GNA13: variants seen among roughly 807,000 people sequenced by gnomAD.
The protein encoded by GNA13 is G protein subunit alpha 13, also known as guanine nucleotide-binding protein subunit alpha-13.
A neutral mutation model predicts 33.5 loss-of-function variants in GNA13; 4 were observed. The ratio of observed to expected loss-of-function variants is 0.12; its 90% CI spans 0.06 to 0.27. The LOEUF (loss-of-function observed/expected upper bound fraction) is 0.27, where lower values mean the gene tolerates loss of function less well. Among genes scored for constraint, GNA13 ranks in the 10% least tolerant of loss-of-function variants. The pLI is 1.00. For missense variants in GNA13, 319 were observed against 487.2 expected, an observed-to-expected ratio of 0.65 and a Z score of 3.25; for synonymous variants, 176 against 183.8, an observed-to-expected ratio of 0.96 and a Z score of 0.34.
intron 3 of GNA13, among the ~76,000 whole-genome samples, chr17:65,015,428 C>T (rs1020392440): frequency 1.3e-5 from 2 of 151,778 alleles, no homozygotes; most frequent in African/African-American, 2.4e-5. Context: ...TTTGGGAGGC[C>T]GAGACGGGCA....
chr17:65,028,212 C>A (rs958498445), intron 2 of GNA13, among the ~76,000 whole-genome samples: 2 of 151,848 alleles, frequency 1.3e-5, no homozygotes. Context: ...GGTGACAGAG[C>A]GAGACTCCGT....
chr17:65,020,966 T>G (rs1051333019), intron 2 of GNA13, among the ~76,000 whole-genome samples: 2 of 152,164 alleles, frequency 1.3e-5, no homozygotes, highest in African/African-American at 4.8e-5. Flanking sequence ...ATTTTAAAAA[T>G]AAAATTTCAA....
intron 2 of GNA13, 193 bp downstream of exon 2, chr17:65,053,309 T>C (rs530828175): frequency 6.6e-5 from 38 of 577,078 alleles, no homozygotes; most frequent in Non-Finnish European, 1.0e-4. Flanking sequence ...GGTAATTTTA[T>C]ACACTATTTT....
intron 2 of GNA13, among the ~76,000 whole-genome samples, chr17:65,051,072 A>C (rs1907842395): frequency 6.6e-6 from 1 of 152,238 alleles, no homozygotes; most frequent in East Asian, 1.9e-4. Flanking sequence ...TTCCAAATTA[A>C]AAAACTGTCC....
chr17:65,016,266 C>T (rs1170775140), intron 3 of GNA13, among the ~76,000 whole-genome samples: 1 of 152,186 alleles, frequency 6.6e-6, no homozygotes, highest in Non-Finnish European at 1.5e-5. Flanking sequence ...CACAATGCTG[C>T]ACTTTATGCC....
At position 65,011,616 on chromosome 17, in the gene GNA13, T is replaced by A. The variant is rs544713957; in HGVS notation, c.*2641A>T. On this transcript the variant is annotated 3_prime_UTR_variant, in exon 4 of 4. Coordinates refer to ENST00000439174, the MANE Select transcript of GNA13 (RefSeq NM_006572.6). ...TCTTCAAGGTCAATGAAGACACTTGTGTGATATTTCCTCAGAATTAAATGA... is the reference window on the plus strand; with the variant it reads ...TCTTCAAGGTCAATGAAGACACTTGAGTGATATTTCCTCAGAATTAAATGA... 9.5e-5 allele frequency: 21 copies of A among 220,096 alleles called. No individual in the cohort carries two copies. The South Asian group carries it at 2.4e-3, about 25-fold the overall frequency. The allele number at this position is 220,096 out of a possible 1,614,324, so 13.6% of individuals were successfully genotyped here.
intron 2 of GNA13, among the ~76,000 whole-genome samples, chr17:65,039,560 A>G (rs1420992730): frequency 1.3e-5 from 2 of 151,950 alleles, no homozygotes; most frequent in Non-Finnish European, 1.5e-5. Context: ...TTTTTTTCCA[A>G]CTTTGCACAT....
intron 2 of GNA13, among the ~76,000 whole-genome samples, chr17:65,032,196 A>G (rs965979297): frequency 6.6e-6 from 1 of 152,194 alleles, no homozygotes; most frequent in African/African-American, 2.4e-5. Context: ...TCTGGGGTTA[A>G]GGCTGGTTAA....
intron 2 of GNA13, among the ~76,000 whole-genome samples, chr17:65,042,567 T>G (rs1301780697): frequency 2.0e-5 from 3 of 151,640 alleles, no homozygotes; most frequent in Non-Finnish European, 2.9e-5. Context: ...TGAAACCCCA[T>G]CTCTACCAAA....
chr17:65,017,591 C>A (rs533995997), intron 3 of GNA13, among the ~76,000 whole-genome samples: 6 of 152,284 alleles, frequency 3.9e-5, no homozygotes, highest in African/African-American at 1.4e-4. Context: ...CAGTGGGCCC[C>A]GCTGGCCACA....
intron 1 of GNA13, chr17:65,055,710 C>A: frequency 3.0e-6 from 3 of 985,368 alleles, no homozygotes; most frequent in Non-Finnish European, 3.6e-6. Flanking sequence ...TTCATATTCT[C>A]GCCCAAAAGG....
intron 2 of GNA13, among the ~76,000 whole-genome samples, chr17:65,026,654 T>C (rs1029107731): frequency 3.3e-5 from 5 of 152,198 alleles, no homozygotes; most frequent in African/African-American, 4.8e-5. Flanking sequence ...AGATCTAATA[T>C]AGTATGAACC....
Position 65,014,672 on chromosome 17 carries a change from A to C in GNA13, c.719T>G (p.Val240Gly). The C allele has an allele frequency of 6.2e-7, 1 of 1,614,178 alleles. No individual in the cohort carries two copies. Among genetic ancestry groups the C allele is most frequent in the Non-Finnish European group, 8.5e-7 (1 of 1,180,016 alleles). ...RKRWFECFDS[V>G]TSILFLVSSS... ...GGAAACAAGGAAAAGTATTGATGTC[A>C]CACTGTCGAAACATTCAAACCAACG... The change falls in exon 4 of 4, where the codon GTG becomes GGG. Residue 240 changes from valine (V) to glycine (G), a missense_variant. Coordinates refer to ENST00000439174, the MANE Select transcript of GNA13 (RefSeq NM_006572.6). The surrounding 1 kb of genome is among the most constrained non-coding windows in gnomAD (Gnocchi z 5.3).
chr17:65,041,657 G>C (rs568957830), intron 2 of GNA13, among the ~76,000 whole-genome samples: 11 of 152,126 alleles, frequency 7.2e-5, no homozygotes, highest in Non-Finnish European at 1.3e-4. Context: ...GTGTGTGCAC[G>C]TGGAAGGGGT....
At chr17:65,056,257 C>CCCCCCCCCCCCCCCCCCCCCCCAAA in intron 1 of GNA13, 54 bp downstream of exon 1, 1 of 1,157,916 alleles carries the variant, frequency 8.6e-7, no homozygotes, top group Non-Finnish European at 1.2e-6. Context: ...CCGCACCCGC[C>CCCCCCCCCCCCCCCCCCCCCCCAAA]GCCGCCCCAG....
chr17:65,055,552 A>C (rs966638243), intron 1 of GNA13: 6 of 948,138 alleles, frequency 6.3e-6, no homozygotes, highest in Non-Finnish European at 7.5e-6. Context: ...CGAAAAGGAG[A>C]GTGGAACGTG....
At chr17:65,034,038 A>AAAAG (rs71158359) in intron 2 of GNA13, among the ~76,000 whole-genome samples, 1 of 147,220 alleles carries the variant, frequency 6.8e-6, no homozygotes, top group Non-Finnish European at 1.5e-5. Flanking sequence ...AAAAAAAAAA[A>AAAAG]TCCAAAAGAA....
chr17:65,049,609 G>A (rs1001703216), intron 2 of GNA13, among the ~76,000 whole-genome samples: 8 of 152,148 alleles, frequency 5.3e-5, no homozygotes, highest in African/African-American at 1.9e-4. Flanking sequence ...GCTAGGGAAA[G>A]CAAAGGACAC....
chr17:65,023,908 T>G (rs1906679807), intron 2 of GNA13, among the ~76,000 whole-genome samples: 1 of 152,232 alleles, frequency 6.6e-6, no homozygotes, highest in Non-Finnish European at 1.5e-5. Flanking sequence ...CTGAGAAGAA[T>G]CTAACAGGAT....
Sources: gnomAD v4.1 joint callset for allele counts (sites outside exome capture counted in the v4.1 genomes callset) on GRCh38, gnomAD v4.1.1 for gene constraint, Gnocchi (gnomAD v3.1) non-coding constraint, MANE v1.5 for transcripts, NCBI Gene and HGNC (gene_info 2026-07-23, HGNC 2026-07-21) for gene names.